Variants in PRUNE2 observed in about 807,000 individuals in gnomAD.
PRUNE2 encodes protein prune homolog 2.
In PRUNE2, 164 loss-of-function variants were observed where a neutral mutation model predicts 252.0. The ratio of observed to expected loss-of-function variants is 0.65; its 90% CI spans 0.57 to 0.74. The LOEUF is 0.74. Among genes scored for constraint, PRUNE2 ranks in the 30% least tolerant of loss-of-function variants. The pLI, the probability that PRUNE2 is intolerant of heterozygous loss-of-function variation, is 0.00. For missense variants in PRUNE2, 3,495 were observed against 3,711.0 expected, an observed-to-expected ratio of 0.94 and a Z score of 1.51; for synonymous variants, 1,292 against 1,350.2, an observed-to-expected ratio of 0.96 and a Z score of 0.94.
chr9:76,734,126 A>G (rs17081142), intron 6 of PRUNE2, among the ~76,000 whole-genome samples: 1 of 152,092 alleles, frequency 6.6e-6, no homozygotes, highest in Middle Eastern at 3.2e-3. Context: ...GCAGCATTCA[A>G]ACACTCAGAA....
At position 76,774,450 on chromosome 9, in the gene PRUNE2, C is replaced by CTTTTTTTATTTATTTATTTAT. The variant is rs1564272256; in HGVS notation, c.756+49181_756+49182insATAAATAAATAAATAAAAAAA. ...ATCGTTCCTGGCCTCCAGTTCAACC[C>CTTTTTTTATTTATTTATTTAT]TTTTTTTTTTTTTTTTTTTTTTTTT... On this transcript the variant is annotated intron_variant, in intron 6 of 18. Transcript: ENST00000376718. Among the ~76,000 whole-genome samples the CTTTTTTTATTTATTTATTTAT allele has an allele frequency of 3.4e-3, 139 of 41,374 alleles. 1 individual carries two copies. The highest frequency in any genetic ancestry group is 0.016 in the Middle Eastern group (1 of 62). 27.1% of individuals were successfully genotyped at this position (41,374 alleles called of 152,430 possible). A position where few individuals can be genotyped will look rare whatever the true frequency, so the allele number is the denominator to read the frequency against.
At chr9:76,903,868 G>A (rs1302382583) in intron 1 of PRUNE2, among the ~76,000 whole-genome samples, 13 of 152,164 alleles carry the variant, frequency 8.5e-5, no homozygotes, top group African/African-American at 2.7e-4. Flanking sequence ...GATTACAGGC[G>A]TGAGCCACCA....
chr9:76,653,294 T>C (rs1194437083), intron 10 of PRUNE2, among the ~76,000 whole-genome samples: 3 of 152,184 alleles, frequency 2.0e-5, no homozygotes, highest in South Asian at 4.1e-4. Flanking sequence ...CCATAAGGGA[T>C]TGATTCCAGG....
chr9:76,661,520 G>A (rs1454783526), intron 9 of PRUNE2, among the ~76,000 whole-genome samples: 1 of 152,192 alleles, frequency 6.6e-6, no homozygotes, highest in African/African-American at 2.4e-5. Flanking sequence ...TGGGATTACA[G>A]GCATGAGCCA....
intron 6 of PRUNE2, among the ~76,000 whole-genome samples, chr9:76,747,263 A>G (rs1453035613): frequency 6.6e-6 from 1 of 152,190 alleles, no homozygotes; most frequent in African/African-American, 2.4e-5. Context: ...AATATGAGCT[A>G]GTGAAACCCT....
At chr9:76,648,782 C>T (rs746999803) in intron 11 of PRUNE2, among the ~76,000 whole-genome samples, 1 of 152,202 alleles carries the variant, frequency 6.6e-6, no homozygotes, top group African/African-American at 2.4e-5. Flanking sequence ...AACTTGGAAT[C>T]GTGATGATAC....
intron 6 of PRUNE2, among the ~76,000 whole-genome samples, chr9:76,799,765 T>C (rs2056414001): frequency 6.6e-6 from 1 of 152,256 alleles, no homozygotes; most frequent in Non-Finnish European, 1.5e-5. Context: ...CTGTTTTGTT[T>C]AGTAGCAATT....
At chr9:76,617,976 T>C (rs1216595192) in intron 18 of PRUNE2, among the ~76,000 whole-genome samples, 1 of 152,154 alleles carries the variant, frequency 6.6e-6, no homozygotes, top group Non-Finnish European at 1.5e-5. Flanking sequence ...GGAATTGAGG[T>C]ATTATTGCTT....
intron 6 of PRUNE2, among the ~76,000 whole-genome samples, chr9:76,731,843 G>A (rs551193704): frequency 6.6e-6 from 1 of 152,226 alleles, no homozygotes; most frequent in African/African-American, 2.4e-5. Context: ...TATTATTTAT[G>A]TAATAAACTA....
chr9:76,872,642 C>T lies in PRUNE2; in HGVS notation c.37-18434G>A, dbSNP rs183506655. ...ACACACACACACACACACACACACA[C>T]ACCCTCACACCTCAAAACTCCCTAT... On this transcript the variant is annotated intron_variant, in intron 1 of 18. Coordinates refer to ENST00000376718, the MANE Select transcript of PRUNE2 (RefSeq NM_015225.3). Among the ~76,000 whole-genome samples, 456 of 151,102 alleles carry T rather than the reference C, an allele frequency of 3.0e-3. 1 individual carries two copies. The highest frequency in any genetic ancestry group is 0.01 in the African/African-American group (426 of 40,958).
chr9:76,766,042 G>A (rs569852445), intron 6 of PRUNE2, among the ~76,000 whole-genome samples: 7 of 151,950 alleles, frequency 4.6e-5, no homozygotes, highest in East Asian at 3.9e-4. Context: ...AAATAGCCGC[G>A]CGTGGTGGCA....
rs1481384601 is a variant in PRUNE2 at position 76,809,979 on chromosome 9, G to A, written c.756+13653C>T. On this transcript the variant is annotated intron_variant, in intron 6 of 18. Transcript: ENST00000376718. The stretch of plus-strand genomic sequence containing the variant: ...TCAATGACTATAGTGTAGGTTGAGA[G>A]CTTCATTGTTTGGGCTTCACGGGCA... Among the ~76,000 whole-genome samples, 3 of 152,120 alleles carry A rather than the reference G, an allele frequency of 2.0e-5. No homozygotes were observed. The East Asian group carries it at 5.8e-4, about 29-fold the overall frequency.
chr9:76,878,913 A>AT (rs1399955670), intron 1 of PRUNE2, among the ~76,000 whole-genome samples: 4 of 152,236 alleles, frequency 2.6e-5, no homozygotes, highest in East Asian at 3.9e-4. Flanking sequence ...GTTAGAAAGT[A>AT]TTTTTTTGTT....
intron 6 of PRUNE2, among the ~76,000 whole-genome samples, chr9:76,808,368 CGTTAGG>C (rs2057125622): frequency 6.6e-6 from 1 of 152,162 alleles, no homozygotes; most frequent in Admixed American, 6.6e-5. Context: ...CATTGTATCA[CGTTAGG>C]ATATTGTGTG....
chr9:76,879,220 C>G (rs192852200), intron 1 of PRUNE2, among the ~76,000 whole-genome samples: 2 of 152,226 alleles, frequency 1.3e-5, no homozygotes, highest in East Asian at 3.9e-4. Context: ...ATGAGAGAGA[C>G]AGAGAAAGAA....
At chr9:76,688,793 C>T (rs1409315278) in intron 9 of PRUNE2, among the ~76,000 whole-genome samples, 1 of 152,196 alleles carries the variant, frequency 6.6e-6, no homozygotes, top group Non-Finnish European at 1.5e-5. Context: ...GCCTCAGGGC[C>T]TCTTAACCAT....
intron 6 of PRUNE2, chr9:76,817,704 A>T (rs933501230): frequency 6.6e-6 from 1 of 152,164 alleles, no homozygotes; most frequent in Non-Finnish European, 1.5e-5. Context: ...AAAAATAAAC[A>T]ATTTCTGGGC....
Position 76,854,134 on chromosome 9 carries a change from A to G in PRUNE2, c.111T>C (p.Ser37=). The change falls in exon 2 of 19, where the codon TCT becomes TCC. Residue 37 remains serine, a synonymous_variant. Transcript: ENST00000376718. Reference sequence around the variant, plus strand: ...CTAGAAAGTAAGCATATGTGAAGGTAGAAATGAGAGAATCCAAGTCACACG... The same window carrying G: ...CTAGAAAGTAAGCATATGTGAAGGTGGAAATGAGAGAATCCAAGTCACACG... ...PKSCDLDSLI[S]TFTYAYFLDK... The G allele has an allele frequency of 6.3e-7, 1 of 1,599,632 alleles. No homozygotes were observed. Among genetic ancestry groups the G allele is most frequent in the Non-Finnish European group, 8.5e-7 (1 of 1,169,676 alleles).
intron 6 of PRUNE2, chr9:76,737,054 G>T (rs1389177939): frequency 6.6e-6 from 1 of 152,178 alleles, no homozygotes; most frequent in African/African-American, 2.4e-5. Context: ...TTCGCACACA[G>T]TTCTGCTGTC....
Sources: allele counts gnomAD v4.1 joint callset (sites outside exome capture counted in the v4.1 genomes callset), GRCh38; gene constraint gnomAD v4.1.1; transcripts MANE v1.5; gene names NCBI Gene and HGNC (gene_info 2026-07-23, HGNC 2026-07-21).